PACRG: variants seen among roughly 807,000 people sequenced by gnomAD.
PACRG encodes parkin coregulated.
PACRG carries 29 observed loss-of-function variants against 29.7 expected under a neutral mutation model. The ratio of observed to expected loss-of-function variants is 0.98; its 90% CI spans 0.73 to 1.33. The LOEUF (loss-of-function observed/expected upper bound fraction) is 1.33. Ranked by LOEUF, PACRG falls within the 40% of genes most tolerant of loss-of-function variation. The pLI, the probability that PACRG is intolerant of heterozygous loss-of-function variation, is 0.00. For missense variants in PACRG, 279 were observed against 316.2 expected (o/e 0.88, Z 0.89); for synonymous variants, 116 against 118.7 (o/e 0.98, Z 0.15).
chr6:163,284,614 C>T (rs1784330236), intron 4 of PACRG, among the ~76,000 whole-genome samples: 4 of 152,038 alleles, frequency 2.6e-5, no homozygotes, highest in Admixed American at 6.6e-5. Context: ...GAAATAAAAC[C>T]GGTATTGAAA....
chr6:163,032,185 A>G (rs1052300074), intron 2 of PACRG, among the ~76,000 whole-genome samples: 1 of 152,256 alleles, frequency 6.6e-6, no homozygotes, highest in Non-Finnish European at 1.5e-5. Flanking sequence ...AAATAGCTCA[A>G]AAGTTTTCTT....
intron 4 of PACRG, among the ~76,000 whole-genome samples, chr6:163,201,347 T>G (rs956916132): frequency 1.3e-5 from 2 of 152,176 alleles, no homozygotes; most frequent in Non-Finnish European, 2.9e-5. Context: ...AAGTGGATTT[T>G]TCGTAATCCT....
chr6:163,088,550 G>T (rs1585186288), intron 3 of PACRG, among the ~76,000 whole-genome samples: 1 of 152,130 alleles, frequency 6.6e-6, no homozygotes, highest in East Asian at 1.9e-4. Flanking sequence ...GGGGCAAGTG[G>T]TGCCTTTCAG....
intron 1 of PACRG, among the ~76,000 whole-genome samples, chr6:162,733,420 A>G (rs1779921550): frequency 6.6e-6 from 1 of 152,128 alleles, no homozygotes; most frequent in Non-Finnish European, 1.5e-5. Context: ...AAGGAAAGCA[A>G]TTCTACCCTT....
chr6:162,990,767 C>T (rs1438772280), intron 2 of PACRG, among the ~76,000 whole-genome samples: 1 of 140,078 alleles, frequency 7.1e-6, no homozygotes, highest in Non-Finnish European at 1.5e-5. Flanking sequence ...TCAATTTTGG[C>T]TTTCCTTGCC....
At chr6:163,120,245 G>A (rs377441229) in intron 4 of PACRG, among the ~76,000 whole-genome samples, 6 of 152,298 alleles carry the variant, frequency 3.9e-5, no homozygotes, top group African/African-American at 1.4e-4. Flanking sequence ...CTGCTCTGCT[G>A]TAACTCCTGC....
At chr6:162,852,981 G>A (rs999270975) in intron 2 of PACRG, among the ~76,000 whole-genome samples, 1 of 152,124 alleles carries the variant, frequency 6.6e-6, no homozygotes, top group Non-Finnish European at 1.5e-5. Context: ...TCTCAACACC[G>A]TCACCAACAT....
intron 2 of PACRG, among the ~76,000 whole-genome samples, chr6:162,944,799 A>G (rs988378639): frequency 6.6e-6 from 1 of 152,164 alleles, no homozygotes; most frequent in African/African-American, 2.4e-5. Flanking sequence ...AAAGGATTAA[A>G]AAAATGAACA....
In PACRG at chr6:162,808,075, TGTCC is replaced by T. The variant is rs1291048765; in HGVS notation, c.157-6071_157-6068del. Among the ~76,000 whole-genome samples the T allele has an allele frequency of 3.3e-5, 5 of 152,326 alleles. No individual in the cohort carries two copies. The East Asian group carries it at 9.6e-4, about 29-fold the overall frequency. Reference sequence around the variant, plus strand: ...CTTATTGTAATAATTTTGTAAGCATTGTCCTGGTCATTTGGTGACCTTGAGTATT... The same window carrying T: ...CTTATTGTAATAATTTTGTAAGCATTTGGTCATTTGGTGACCTTGAGTATT... On this transcript the variant is annotated intron_variant, in intron 1 of 4. Transcript: ENST00000366888.
At chr6:162,846,424 A>G (rs1158310903) in intron 2 of PACRG, among the ~76,000 whole-genome samples, 1 of 152,158 alleles carries the variant, frequency 6.6e-6, no homozygotes, top group Non-Finnish European at 1.5e-5. Flanking sequence ...AAGCTATACC[A>G]TATTACAAGT....
intron 1 of PACRG, among the ~76,000 whole-genome samples, chr6:162,739,672 T>C (rs1780421608): frequency 6.6e-6 from 1 of 151,858 alleles, no homozygotes; most frequent in African/African-American, 2.4e-5. Flanking sequence ...TGAAACTCCA[T>C]CTCTACTAAA....
intron 4 of PACRG, among the ~76,000 whole-genome samples, chr6:163,136,142 A>G (rs1816928268): frequency 6.6e-6 from 1 of 152,100 alleles, no homozygotes; most frequent in Admixed American, 6.5e-5. Flanking sequence ...GTGATTTCGG[A>G]TTTTTGTACC....
chr6:163,295,179 T>C (rs1342578543), intron 4 of PACRG, among the ~76,000 whole-genome samples: 1 of 152,264 alleles, frequency 6.6e-6, no homozygotes, highest in Admixed American at 6.5e-5. Flanking sequence ...GTTATCTGGT[T>C]CATTATAAAG....
intron 4 of PACRG, chr6:163,190,768 C>T (rs1780174708): frequency 6.8e-6 from 2 of 293,530 alleles, no homozygotes; most frequent in Non-Finnish European, 1.4e-5. Flanking sequence ...TACCAAAAAG[C>T]CCACTCAAAT....
chr6:162,988,332 A>G (rs1020970161), intron 2 of PACRG, among the ~76,000 whole-genome samples: 9 of 152,162 alleles, frequency 5.9e-5, no homozygotes, highest in African/African-American at 1.9e-4. Flanking sequence ...AGAAGGGTCA[A>G]TCGAGGTAGA....
At chr6:163,261,763 A>AACAACTATTTAC (rs1783334464) in intron 4 of PACRG, among the ~76,000 whole-genome samples, 2 of 152,370 alleles carry the variant, frequency 1.3e-5, no homozygotes, top group African/African-American at 4.8e-5. Flanking sequence ...AATAAAGTAT[A>AACAACTATTTAC]ACAACTATTT....
intron 2 of PACRG, among the ~76,000 whole-genome samples, chr6:162,947,573 CATATATAATCAT>C (rs1307689401): frequency 0.015 from 845 of 57,400 alleles, 26 homozygotes; most frequent in African/African-American, 0.053. Context: ...TATATATACT[CATATATAATCAT>C]ATATATAATC....
intron 1 of PACRG, among the ~76,000 whole-genome samples, chr6:162,755,715 G>C (rs541711646): frequency 6.6e-6 from 1 of 152,282 alleles, no homozygotes; most frequent in East Asian, 1.9e-4. Flanking sequence ...GGGATTACAG[G>C]CATGAGCCAT....
In PACRG at chr6:163,197,363, G is replaced by A. The variant is rs968920629; in HGVS notation, c.613+107955G>A. On this transcript the variant is annotated intron_variant, in intron 4 of 4. Transcript: ENST00000366888. ...ACCATCTGTAAATGCTTGCTCTAGAGGTGTGTCATAAAAGTACAGTCCCAT... is the reference window on the plus strand; with the variant it reads ...ACCATCTGTAAATGCTTGCTCTAGAAGTGTGTCATAAAAGTACAGTCCCAT... Among the ~76,000 whole-genome samples the A allele has an allele frequency of 5.3e-5, 8 of 151,720 alleles. No individual in the cohort carries two copies. In the South Asian group the frequency reaches 1.5e-3, roughly 28 times the overall value.
Sources: allele counts gnomAD v4.1 joint callset (sites outside exome capture counted in the v4.1 genomes callset), GRCh38; gene constraint gnomAD v4.1.1; transcripts MANE v1.5; gene names NCBI Gene and HGNC (gene_info 2026-07-23, HGNC 2026-07-21).